Variants in CAB39L observed in about 807,000 individuals in gnomAD.
CAB39L encodes calcium-binding protein 39-like.
In CAB39L, 23 loss-of-function variants were observed where a neutral mutation model predicts 39.1. That is an observed-to-expected ratio of 0.59 (90% CI 0.42 to 0.83). CAB39L has a LOEUF of 0.83. Ranked by LOEUF, CAB39L falls within the 40% of genes least tolerant of loss-of-function variation. CAB39L has a pLI of 0.00. For synonymous variants in CAB39L, 126 were observed against 137.2 expected (o/e 0.92, Z 0.57); for missense variants, 366 against 391.9 (o/e 0.93, Z 0.56).
intron 4 of CAB39L, among the ~76,000 whole-genome samples, chr13:49,380,760 T>C (rs1405316826): frequency 1.3e-5 from 2 of 152,220 alleles, no homozygotes; most frequent in East Asian, 1.9e-4. Context: ...TAAAGAAATA[T>C]ACTTTCATTA....
At chr13:49,366,284 C>A (rs1403359912) in intron 5 of CAB39L, among the ~76,000 whole-genome samples, 1 of 151,826 alleles carries the variant, frequency 6.6e-6, no homozygotes, top group Non-Finnish European at 1.5e-5. Context: ...CCCAATTTTC[C>A]ATGATGTGGT....
chr13:49,337,119 C>CA (rs1566072292), intron 9 of CAB39L, among the ~76,000 whole-genome samples: 1 of 152,164 alleles, frequency 6.6e-6, no homozygotes, highest in Admixed American at 6.5e-5. Flanking sequence ...AGTAAATTGA[C>CA]AAAAAATGTG....
chr13:49,441,730 T>C (rs1442211236), intron 1 of CAB39L, among the ~76,000 whole-genome samples: 1 of 152,206 alleles, frequency 6.6e-6, no homozygotes, highest in Non-Finnish European at 1.5e-5. Flanking sequence ...CATTTCACTT[T>C]TCATCAGAGA....
intron 10 of CAB39L, among the ~76,000 whole-genome samples, chr13:49,315,475 G>A (rs867898376): frequency 6.6e-6 from 1 of 151,966 alleles, no homozygotes; most frequent in African/African-American, 2.4e-5. Context: ...AAATCACAAA[G>A]AAAATTAGAA....
At chr13:49,441,780 G>A (rs1957529572) in intron 1 of CAB39L, among the ~76,000 whole-genome samples, 3 of 151,990 alleles carry the variant, frequency 2.0e-5, no homozygotes, top group African/African-American at 7.3e-5. Context: ...ACCACAATGA[G>A]ATACCCCATC....
Position 49,310,824 on chromosome 13 carries a change from GT to G in CAB39L, c.1003del (p.Thr335ArgfsTer54), listed in dbSNP as rs1566396467. The part of the protein sequence containing the change: ...LIKQIRDLKK[T>X]AP Reference sequence around the variant, plus strand: ...GGGCCGGGGAGCTCTTCAAGGGGCCGTTTTCTTCAAGTCTCGGATCTGTTTA... The same window carrying G: ...GGGCCGGGGAGCTCTTCAAGGGGCCGTTTCTTCAAGTCTCGGATCTGTTTA... On this transcript the variant is annotated frameshift_variant, in exon 11 of 11. Coordinates refer to ENST00000409308, the MANE Select transcript of CAB39L (RefSeq NM_001079670.3). LOFTEE classifies it high-confidence loss of function. The G allele has an allele frequency of 6.2e-7, 1 of 1,613,882 alleles. No individual in the cohort carries two copies.
At chr13:49,368,518 G>A (rs1031443210) in intron 5 of CAB39L, among the ~76,000 whole-genome samples, 1 of 151,984 alleles carries the variant, frequency 6.6e-6, no homozygotes, top group Non-Finnish European at 1.5e-5. Flanking sequence ...CAGATCTCAA[G>A]CCCTGGACTC....
intron 10 of CAB39L, among the ~76,000 whole-genome samples, chr13:49,323,724 A>AT (rs1205191429): frequency 2.0e-5 from 3 of 152,334 alleles, no homozygotes; most frequent in Non-Finnish European, 4.4e-5. Flanking sequence ...TGTCAGAAAG[A>AT]TTTTTTTAAA....
At chr13:49,437,608 C>T (rs1957438224) in intron 1 of CAB39L, among the ~76,000 whole-genome samples, 2 of 152,180 alleles carry the variant, frequency 1.3e-5, no homozygotes, top group African/African-American at 4.8e-5. Flanking sequence ...TTTACAGTCT[C>T]CACCTTGCTT....
intron 10 of CAB39L, among the ~76,000 whole-genome samples, chr13:49,313,283 C>T (rs536679846): frequency 2.2e-4 from 33 of 152,056 alleles, no homozygotes; most frequent in Non-Finnish European, 5.9e-5. Context: ...AGATCGAGAC[C>T]ATCCTGGCTA....
chr13:49,329,576 TATATATATATATATATATATA>T (rs1954624325), intron 10 of CAB39L, among the ~76,000 whole-genome samples: 1 of 107,468 alleles, frequency 9.3e-6, no homozygotes, highest in Admixed American at 9.3e-5. Flanking sequence ...TATATATATA[TATATATATATATATATATATA>T]ATGATGTAAT....
chr13:49,416,389 A>G (rs61960129), intron 3 of CAB39L, among the ~76,000 whole-genome samples: 3,906 of 152,382 alleles, frequency 0.026, 65 homozygotes, highest in Non-Finnish European at 0.039. Context: ...AAGTTTCACA[A>G]AACAACTGCT....
At chr13:49,366,803 G>A (rs1365529516) in intron 5 of CAB39L, among the ~76,000 whole-genome samples, 1 of 152,048 alleles carries the variant, frequency 6.6e-6, no homozygotes, top group African/African-American at 2.4e-5. Context: ...ATCACCAGAG[G>A]TCAGGAGTTC....
chr13:49,389,654 T>C (rs1258417489), intron 3 of CAB39L, among the ~76,000 whole-genome samples: 2 of 152,136 alleles, frequency 1.3e-5, no homozygotes, highest in African/African-American at 2.4e-5. Context: ...AACAAAACAC[T>C]GCTTTAAAAT....
intron 7 of CAB39L, among the ~76,000 whole-genome samples, chr13:49,349,457 T>C (rs1050319502): frequency 4.0e-5 from 5 of 125,150 alleles, no homozygotes; most frequent in Admixed American, 3.2e-4. Context: ...TCTGAATACA[T>C]ATATATATAT....
intron 1 of CAB39L, among the ~76,000 whole-genome samples, chr13:49,436,104 C>T (rs1212688146): frequency 1.3e-5 from 2 of 152,172 alleles, no homozygotes; most frequent in Non-Finnish European, 2.9e-5. Flanking sequence ...AGACTTTAAA[C>T]ATGTTGTTCC....
At chr13:49,370,322 T>C (rs1955885757) in intron 5 of CAB39L, among the ~76,000 whole-genome samples, 4 of 152,206 alleles carry the variant, frequency 2.6e-5, no homozygotes. Context: ...ATATGGGAGA[T>C]TATCTCCCCC....
At chr13:49,375,992 C>T (rs1043989365) in intron 5 of CAB39L, among the ~76,000 whole-genome samples, 1 of 152,184 alleles carries the variant, frequency 6.6e-6, no homozygotes, top group Non-Finnish European at 1.5e-5. Context: ...TGGCTCTGCA[C>T]TCCTCCTCCT....
chr13:49,389,709 C>T (rs1377229962), intron 3 of CAB39L, among the ~76,000 whole-genome samples: 5 of 152,098 alleles, frequency 3.3e-5, no homozygotes, highest in African/African-American at 1.2e-4. Flanking sequence ...TATCTTCATT[C>T]GATATAGCCA....
Sources: gnomAD v4.1 joint callset for allele counts (sites outside exome capture counted in the v4.1 genomes callset) on GRCh38, gnomAD v4.1.1 for gene constraint, MANE v1.5 for transcripts, NCBI Gene and HGNC (gene_info 2026-07-23, HGNC 2026-07-21) for gene names.